Variants in DNAH3 observed in about 807,000 individuals in gnomAD.
DNAH3 encodes the protein axonemal beta dynein heavy chain 3.
A neutral mutation model predicts 432.5 loss-of-function variants in DNAH3; 332 were observed. That is an observed-to-expected ratio of 0.77 (90% CI 0.70 to 0.84). DNAH3 has a LOEUF of 0.84. Ranked by LOEUF, DNAH3 falls within the 40% of genes least tolerant of loss-of-function variation. The pLI, the probability that DNAH3 is intolerant of heterozygous loss-of-function variation, is 0.00. For synonymous variants in DNAH3, 1,956 were observed against 1,900.2 expected, an observed-to-expected ratio of 1.03 and a Z score of -0.76; for missense variants, 4,861 against 5,114.0, an observed-to-expected ratio of 0.95 and a Z score of 1.51.
chr16:21,155,862 TCA>T, intron 1 of DNAH3, among the ~76,000 whole-genome samples: 1 of 152,200 alleles, frequency 6.6e-6, no homozygotes, highest in East Asian at 1.9e-4. Context: ...TAAAAAAATT[TCA>T]CACATTTCTT....
At chr16:21,015,093 AG>A (rs2152705596) in intron 41 of DNAH3, among the ~76,000 whole-genome samples, 1 of 152,334 alleles carries the variant, frequency 6.6e-6, no homozygotes, top group Non-Finnish European at 1.5e-5. Flanking sequence ...TTAATGGAAA[AG>A]TTATGTTCAC....
At chr16:21,064,683 G>A (rs1327699552) in intron 24 of DNAH3, among the ~76,000 whole-genome samples, 2 of 152,058 alleles carry the variant, frequency 1.3e-5, no homozygotes, top group Non-Finnish European at 2.9e-5. Flanking sequence ...AATGAATAAG[G>A]CTCAATGGCC....
intron 3 of DNAH3, 66 bp downstream of exon 4, chr16:21,145,111 AAAAT>A (rs1299706042): frequency 3.0e-5 from 40 of 1,340,902 alleles, no homozygotes; most frequent in East Asian, 5.0e-5. Context: ...GACTCCATCT[AAAAT>A]AAATAAATAA....
At chr16:21,061,536 G>A (rs557342147) in intron 25 of DNAH3, among the ~76,000 whole-genome samples, 3 of 152,066 alleles carry the variant, frequency 2.0e-5, no homozygotes, top group Admixed American at 6.6e-5. Flanking sequence ...TTTTTAATAC[G>A]CATTACTTTC....
At chr16:20,951,268 T>C (rs1360118939) in intron 56 of DNAH3, among the ~76,000 whole-genome samples, 2 of 152,134 alleles carry the variant, frequency 1.3e-5, no homozygotes, top group Non-Finnish European at 2.9e-5. Flanking sequence ...CCTTCCTCTA[T>C]GCCCCACCCA....
chr16:21,145,217 G>C (rs140484344), exon 3 of DNAH3: 2 of 1,612,738 alleles, frequency 1.2e-6, no homozygotes, highest in Non-Finnish European at 1.7e-6. Flanking sequence ...CTGTCCCTAG[G>C]GACACTGATG....
intron 1 of DNAH3, among the ~76,000 whole-genome samples, chr16:21,159,092 G>A (rs1468394739): frequency 6.6e-6 from 1 of 151,798 alleles, no homozygotes; most frequent in Non-Finnish European, 1.5e-5. Flanking sequence ...CCCTTTCTGG[G>A]GAACCTGGGG....
chr16:21,091,371 G>GAA (rs35140450), intron 18 of DNAH3, among the ~76,000 whole-genome samples: 1 of 146,012 alleles, frequency 6.8e-6, no homozygotes, highest in Non-Finnish European at 1.5e-5. Flanking sequence ...GTAAAAATTG[G>GAA]AAAAAAAAAA....
At chr16:21,097,782 A>G (rs1328376720) in intron 17 of DNAH3, among the ~76,000 whole-genome samples, 1 of 152,200 alleles carries the variant, frequency 6.6e-6, no homozygotes, top group Non-Finnish European at 1.5e-5. Flanking sequence ...CTCCGTTTTC[A>G]TAATTTTCAT....
intron 32 of DNAH3, 146 bp from the exon 33 acceptor site, chr16:21,040,089 G>A: frequency 1.4e-6 from 1 of 713,584 alleles, no homozygotes. Flanking sequence ...GGACAAGTGA[G>A]TGCAGATGGA....
At chr16:21,010,615 C>T (rs984862629) in intron 41 of DNAH3, among the ~76,000 whole-genome samples, 1 of 152,122 alleles carries the variant, frequency 6.6e-6, no homozygotes, top group East Asian at 1.9e-4. Context: ...TCCATTTATG[C>T]CATGTCTTGC....
At chr16:21,153,303 G>A (rs1445805854) in intron 1 of DNAH3, among the ~76,000 whole-genome samples, 2 of 152,078 alleles carry the variant, frequency 1.3e-5, no homozygotes, top group East Asian at 1.9e-4. Context: ...GTCTAGCTCA[G>A]GGTCTGTGAA....
At chr16:21,152,618 CG>C (rs1244188775) in intron 1 of DNAH3, among the ~76,000 whole-genome samples, 1 of 152,244 alleles carries the variant, frequency 6.6e-6, no homozygotes, top group Non-Finnish European at 1.5e-5. Flanking sequence ...AGCGGGAACC[CG>C]GGCTGCGCAC....
chr16:21,151,624 T>C (rs1407054876), intron 1 of DNAH3, among the ~76,000 whole-genome samples: 2 of 152,174 alleles, frequency 1.3e-5, no homozygotes, highest in African/African-American at 4.8e-5. Context: ...CACTAAGTCC[T>C]GCATCCTGGG....
intron 41 of DNAH3, among the ~76,000 whole-genome samples, chr16:21,009,908 G>T (rs2087500737): frequency 8.0e-6 from 1 of 125,568 alleles, no homozygotes; most frequent in African/African-American, 3.0e-5. Context: ...GAGAGGAGAG[G>T]AGAGGAGGGG....
intron 20 of DNAH3, among the ~76,000 whole-genome samples, chr16:21,076,983 C>A (rs193202402): frequency 0.01 from 1,563 of 152,242 alleles, 25 homozygotes; most frequent in African/African-American, 0.036. Flanking sequence ...CAGCAGCAGA[C>A]TCCCCAGCCC....
intron 9 of DNAH3, among the ~76,000 whole-genome samples, chr16:21,124,880 CG>C (rs989840225): frequency 6.6e-6 from 1 of 152,168 alleles, no homozygotes; most frequent in African/African-American, 2.4e-5. Context: ...GAACTTCTGA[CG>C]TCAGGTGATC....
At chr16:20,989,682 G>T (rs567535521) in intron 44 of DNAH3, among the ~76,000 whole-genome samples, 1 of 152,254 alleles carries the variant, frequency 6.6e-6, no homozygotes, top group African/African-American at 2.4e-5. Context: ...ACTGGGCGCC[G>T]TGGAGCAGGG....
chr16:21,081,712 C>A, exon 20 of DNAH3: 1 of 1,613,552 alleles, frequency 6.2e-7, no homozygotes, highest in Non-Finnish European at 8.5e-7. Flanking sequence ...ATCTCATAGC[C>A]AACAATCTCA....
Sources: allele counts gnomAD v4.1 joint callset (sites outside exome capture counted in the v4.1 genomes callset), GRCh38; gene constraint gnomAD v4.1.1; transcripts MANE v1.5; gene names NCBI Gene and HGNC (gene_info 2026-07-23, HGNC 2026-07-21).